Variants in CPOX observed in about 807,000 individuals in gnomAD.
CPOX encodes the protein coproporphyrinogen oxidase, also known as oxygen-dependent coproporphyrinogen-III oxidase, mitochondrial.
In CPOX, 24 loss-of-function variants were observed where a neutral mutation model predicts 48.9. The ratio of observed to expected loss-of-function variants is 0.49; its 90% confidence interval spans 0.36 to 0.69. The LOEUF is 0.69. Ranked by LOEUF, CPOX falls within the 30% of genes least tolerant of loss-of-function variation. The pLI, the probability that CPOX is intolerant of heterozygous loss-of-function variation, is 0.00. For synonymous variants in CPOX, 249 were observed against 234.6 expected, an observed-to-expected ratio of 1.06 and a Z score of -0.56; for missense variants, 549 against 597.3, an observed-to-expected ratio of 0.92 and a Z score of 0.84.
downstream of CPOX, among the ~76,000 whole-genome samples, chr3:98,575,980 G>A (rs1034012463): frequency 2.1e-5 from 3 of 146,048 alleles, no homozygotes; most frequent in East Asian, 6.5e-4. Flanking sequence ...GCTGAGGCAA[G>A]AGAATGGCTT....
chr3:98,576,702 A>T (rs566566752), downstream of CPOX, among the ~76,000 whole-genome samples: 5 of 152,364 alleles, frequency 3.3e-5, no homozygotes, highest in South Asian at 1.0e-3. Context: ...CATAATTCAT[A>T]CTTGTGGCAG....
Position 98,590,624 on chromosome 3 carries a change from A to C in CPOX, c.811+8T>G. 6.3e-7 allele frequency: 1 copy of C among 1,579,204 alleles called. No individual in the cohort carries two copies. Among genetic ancestry groups the C allele is most frequent in the Non-Finnish European group, 8.7e-7 (1 of 1,148,316 alleles). On this transcript the variant is annotated splice_region_variant and intron_variant, in intron 3 of 6. Transcript: ENST00000647941. ...GACAGTACTTTCCGTAGCTCCTGAG[A>C]CCCTTACCATCAGCTTCTTCTACTT...
At position 98,593,511 on chromosome 3, in the gene CPOX, G is replaced by A. The variant is rs1010766291; in HGVS notation, c.-7C>T. The A allele has an allele frequency of 7.9e-6, 12 of 1,521,080 alleles. No individual in the cohort carries two copies. The East Asian group carries it at 2.8e-4, about 35-fold the overall frequency. The allele number at this position is 1,521,080 out of a possible 1,614,324, so 94.2% of individuals were successfully genotyped here. A position where few individuals can be genotyped will look rare whatever the true frequency, so the allele number is the denominator to read the frequency against. ...TGCCCAGCTGCAAGGCCATGTTCCCGCACTATCACCTGGAGCAGTGCCTGC... is the reference window on the plus strand; with the variant it reads ...TGCCCAGCTGCAAGGCCATGTTCCCACACTATCACCTGGAGCAGTGCCTGC... On this transcript the variant is annotated 5_prime_UTR_variant, in exon 1 of 7. Coordinates refer to ENST00000647941, the MANE Select transcript of CPOX (RefSeq NM_000097.7).
chr3:98,591,495 T>G (rs765478654), intron 1 of CPOX, among the ~76,000 whole-genome samples: 1 of 152,172 alleles, frequency 6.6e-6, no homozygotes, highest in African/African-American at 2.4e-5. Flanking sequence ...AGGTTAAAAA[T>G]AGGAATGGGT....
At chr3:98,571,750 G>T in the CPOX span, among the ~76,000 whole-genome samples, 3 of 151,772 alleles carry the variant, frequency 2.0e-5, no homozygotes, top group Admixed American at 1.3e-4. Flanking sequence ...ATAGGGTGTA[G>T]TAGGTATTGT....
Position 98,585,565 on chromosome 3 carries a change from C to T in CPOX, c.1048G>A (p.Val350Met). ...GCACAGCTCTGTACAAAGCGAAACACCTCCTCCTTGGACGGAGAGTCAAGA... is the reference window on the plus strand; with the variant it reads ...GCACAGCTCTGTACAAAGCGAAACATCTCCTCCTTGGACGGAGAGTCAAGA... ...DDLDSPSKEE[V>M]FRFVQSCARA... The change falls in exon 5 of 7, where the codon GTG becomes ATG. Residue 350 changes from valine to methionine, a missense_variant. Physicochemically the swap from Val to Met is conservative, Grantham distance 21. This residue lies in a region of CPOX where 213 missense variants were observed against 279.1 expected (regional missense o/e 0.76). Coordinates refer to ENST00000647941, the MANE Select transcript of CPOX (RefSeq NM_000097.7). 1 of 1,614,110 alleles carries T rather than the reference C, an allele frequency of 6.2e-7. No homozygotes were observed. The highest frequency in any genetic ancestry group is 8.5e-7 in the Non-Finnish European group (1 of 1,180,026).
chr3:98,592,966 C>G lies in CPOX; in HGVS notation c.539G>C (p.Arg180Pro). 1 of 1,613,208 alleles carries G rather than the reference C, an allele frequency of 6.2e-7. No individual in the cohort carries two copies. The highest frequency in any genetic ancestry group is 8.5e-7 in the Non-Finnish European group (1 of 1,179,698). The change falls in exon 1 of 7, where the codon CGG becomes CCG. Residue 180 changes from arginine to proline, a missense_variant. Arg to Pro is a moderately radical substitution (Grantham distance 103, BLOSUM62 -2). Around this residue, in one of 2 missense-constraint regions of CPOX, gnomAD observed 336 missense variants for 318.1 expected, o/e 1.06. Coordinates refer to ENST00000647941, the MANE Select transcript of CPOX (RefSeq NM_000097.7). ...VDGGANFSVD[R>P]WERKEGGGGI... ...CTCCTTACCTTCCTTCCTCTCCCAC[C>G]GGTCCACAGAAAAGTTGGCGCCCCC...
intron 2 of CPOX, 53 bp downstream of exon 2, chr3:98,590,959 G>A: frequency 1.9e-6 from 3 of 1,596,850 alleles, no homozygotes; most frequent in Non-Finnish European, 2.6e-6. Flanking sequence ...AAACTTGTGG[G>A]CAAAATAAGG....
rs751673143 is a variant in CPOX at position 98,590,716 on chromosome 3, C to T, written c.727G>A (p.Val243Met). 1.4e-5 allele frequency: 22 copies of T among 1,613,712 alleles called. No homozygotes were observed. Among genetic ancestry groups the T allele is most frequent in the South Asian group, 8.8e-5 (8 of 91,074 alleles). ...TTCTTGGGGTGGATAACAGAGCTCA[C>T]GCCCATAGCACAAAATGGCAATTTA... Reference protein sequence around the residue: ...DGKLPFCAMGVSSVIHPKNPH... With the variant: ...DGKLPFCAMGMSSVIHPKNPH... The change falls in exon 3 of 7, where the codon GTG becomes ATG. Residue 243 changes from valine to methionine, a missense_variant. Around this residue, in one of 2 missense-constraint regions of CPOX, gnomAD observed 213 missense variants for 279.1 expected, o/e 0.76. Coordinates refer to ENST00000647941, the MANE Select transcript of CPOX (RefSeq NM_000097.7).
Position 98,586,922 on chromosome 3 carries a change from C to T in CPOX, c.954-1263G>A, listed in dbSNP as rs183557616. ...TCGCACCACTGCACTCCAGCCTGGGCGACAGAGTGAGACTCCATCTCAAAA... is the reference window on the plus strand; with the variant it reads ...TCGCACCACTGCACTCCAGCCTGGGTGACAGAGTGAGACTCCATCTCAAAA... On this transcript the variant is annotated intron_variant, in intron 4 of 6. Transcript: ENST00000647941. Among the ~76,000 whole-genome samples the T allele has an allele frequency of 6.3e-3, 953 of 151,848 alleles. 9 individuals are homozygous for T. The highest frequency in any genetic ancestry group is 0.022 in the African/African-American group (893 of 41,348).
the CPOX span, among the ~76,000 whole-genome samples, chr3:98,571,759 GT>G: frequency 6.6e-6 from 1 of 151,640 alleles, no homozygotes; most frequent in Non-Finnish European, 1.5e-5. Context: ...AGTAGGTATT[GT>G]TTATATTATC....
chr3:98,587,905 G>A (rs1194164137), intron 4 of CPOX, among the ~76,000 whole-genome samples: 2 of 152,232 alleles, frequency 1.3e-5, no homozygotes, highest in Non-Finnish European at 2.9e-5. Context: ...AGTTCTGAGA[G>A]AGAGGAAAAA....
At chr3:98,586,526 A>G (rs1707366810) in intron 4 of CPOX, among the ~76,000 whole-genome samples, 1 of 152,146 alleles carries the variant, frequency 6.6e-6, no homozygotes, top group Non-Finnish European at 1.5e-5. Flanking sequence ...TTCAGATGAT[A>G]TCTTTTATTA....
At chr3:98,574,798 T>G (rs1242401229), downstream of CPOX, among the ~76,000 whole-genome samples, 1 of 152,128 alleles carries the variant, frequency 6.6e-6, no homozygotes, top group East Asian at 1.9e-4. Flanking sequence ...AGGCTGGTCT[T>G]GAACTGCTGA....
At chr3:98,584,777 T>A (rs892984774) in intron 5 of CPOX, among the ~76,000 whole-genome samples, 1 of 152,182 alleles carries the variant, frequency 6.6e-6, no homozygotes, top group African/African-American at 2.4e-5. Context: ...CTCACCAGGC[T>A]CACTGCACAG....
intron 5 of CPOX, among the ~76,000 whole-genome samples, chr3:98,583,037 A>G (rs1404114214): frequency 6.6e-6 from 1 of 152,158 alleles, no homozygotes; most frequent in Non-Finnish European, 1.5e-5. Context: ...TTCACCTGAT[A>G]TTATCTTTCT....
intron 4 of CPOX, 80 bp downstream of exon 4, chr3:98,588,633 G>A: frequency 7.0e-7 from 1 of 1,420,922 alleles, no homozygotes; most frequent in Non-Finnish European, 1.0e-6. Context: ...GCAGAAGAGG[G>A]TATTTAGTGA....
At position 98,590,179 on chromosome 3, in the gene CPOX, G is replaced by A. The variant is rs889678177; in HGVS notation, c.811+453C>T. ...TTTTGTTTTTTTGAGACGGAGTCTCGCTCTGTCACCCAGGCTGGAGTGCAG... is the reference window on the plus strand; with the variant it reads ...TTTTGTTTTTTTGAGACGGAGTCTCACTCTGTCACCCAGGCTGGAGTGCAG... On this transcript the variant is annotated intron_variant, in intron 3 of 6. Transcript: ENST00000647941. Among the ~76,000 whole-genome samples the A allele has an allele frequency of 2.8e-4, 42 of 152,276 alleles. No homozygotes were observed. In the East Asian group the frequency reaches 3.1e-3, roughly 11 times the overall value.
At chr3:98,585,419 A>G (rs2107120020) in intron 5 of CPOX, 22 bp downstream of exon 5, 3 of 1,602,314 alleles carry the variant, frequency 1.9e-6, no homozygotes, top group African/African-American at 1.3e-5. Flanking sequence ...GCCATGAAAG[A>G]ATTCGTTTTC....
Sources: gnomAD v4.1 joint callset for allele counts (sites outside exome capture counted in the v4.1 genomes callset) on GRCh38, gnomAD v4.1.1 for gene constraint, gnomAD v4.1.1 regional missense constraint, MANE v1.5 for transcripts, NCBI Gene and HGNC (gene_info 2026-07-23, HGNC 2026-07-21) for gene names.